CTNNAL1: variants seen among roughly 807,000 people sequenced by gnomAD.
The protein encoded by CTNNAL1 is catenin alpha like 1.
CTNNAL1 carries 69 observed loss-of-function variants against 93.6 expected under a neutral mutation model. The ratio of observed to expected loss-of-function variants is 0.74; its 90% CI spans 0.61 to 0.90. The LOEUF (loss-of-function observed/expected upper bound fraction) is 0.90. CTNNAL1 is among the 40% of genes least tolerant of loss of function. The pLI, the probability that CTNNAL1 is intolerant of heterozygous loss-of-function variation, is 0.00. For missense variants in CTNNAL1, 836 were observed against 862.0 expected (o/e 0.97, Z 0.38); for synonymous variants, 286 against 305.4 (o/e 0.94, Z 0.66).
At chr9:108,980,882 T>G (rs1312620467) in intron 6 of CTNNAL1, among the ~76,000 whole-genome samples, 1 of 152,204 alleles carries the variant, frequency 6.6e-6, no homozygotes, top group Admixed American at 6.5e-5. Context: ...TTGTGGGGTT[T>G]TTTTAAAGAG....
chr9:108,978,936 A>C (rs1192486835), intron 7 of CTNNAL1, among the ~76,000 whole-genome samples: 1 of 151,994 alleles, frequency 6.6e-6, no homozygotes, highest in Non-Finnish European at 1.5e-5. Context: ...GAGGGGGTCT[A>C]CTCCTCTGTT....
rs755160373 is a variant in CTNNAL1, at chr9:108,983,279, T to C, written c.766A>G (p.Lys256Glu). 1.5e-5 allele frequency: 24 copies of C among 1,571,150 alleles called. No individual in the cohort carries two copies. The South Asian group carries it at 2.9e-4, about 19-fold the overall frequency. ...LRHPNCESAH[K>E]NKEGVFDRMK... is the part of the protein sequence containing the mutation. Reference sequence around the variant, plus strand: ...CGGTCAAATACTCCTTCTTTGTTTTTATGGGCTGATTCGCAGTTAGGATGC... The same window carrying C: ...CGGTCAAATACTCCTTCTTTGTTTTCATGGGCTGATTCGCAGTTAGGATGC... Residue 256 changes from lysine (K) to glutamate (E), a missense_variant, in exon 6 of 19, where the codon AAA becomes GAA. By Grantham distance (56) the Lys-to-Glu change is moderately conservative. Transcript: ENST00000325551.
At chr9:109,007,270 T>C (rs1221421750) in intron 1 of CTNNAL1, among the ~76,000 whole-genome samples, 1 of 151,958 alleles carries the variant, frequency 6.6e-6, no homozygotes, top group Admixed American at 6.6e-5. Flanking sequence ...CACGCATGTA[T>C]TCACATACAC....
intron 4 of CTNNAL1, among the ~76,000 whole-genome samples, chr9:108,987,086 G>C (rs1341686086): frequency 6.6e-6 from 1 of 152,160 alleles, no homozygotes; most frequent in Non-Finnish European, 1.5e-5. Context: ...TGGTGTTTTA[G>C]ACATGAAGTC....
chr9:108,977,613 G>C (rs948495259), intron 7 of CTNNAL1, among the ~76,000 whole-genome samples: 3 of 152,132 alleles, frequency 2.0e-5, no homozygotes, highest in African/African-American at 4.8e-5. Flanking sequence ...TTTGTTTAAA[G>C]TCTATCTTCC....
chr9:109,005,452 C>A (rs957246277), intron 1 of CTNNAL1, among the ~76,000 whole-genome samples: 1 of 152,068 alleles, frequency 6.6e-6, no homozygotes, highest in Non-Finnish European at 1.5e-5. Flanking sequence ...GGAGGTGGGG[C>A]CTTTGGGAGA....
intron 11 of CTNNAL1, among the ~76,000 whole-genome samples, chr9:108,958,282 C>T (rs527492602): frequency 5.9e-5 from 9 of 152,164 alleles, no homozygotes; most frequent in African/African-American, 7.2e-5. Context: ...CCAACTGTTT[C>T]GGTATCTCTT....
At chr9:108,964,859 T>A (rs1375989143) in intron 11 of CTNNAL1, among the ~76,000 whole-genome samples, 1 of 151,660 alleles carries the variant, frequency 6.6e-6, no homozygotes, top group African/African-American at 2.4e-5. Flanking sequence ...TATTTATTTA[T>A]TTATTTATTT....
chr9:108,972,864 G>GGGCGCCCCCCCCC, intron 8 of CTNNAL1, 31 bp from the exon 9 acceptor site: 4 of 142,546 alleles, frequency 2.8e-5, no homozygotes, highest in Non-Finnish European at 4.0e-5. Context: ...GGGGGGGTGG[G>GGGCGCCCCCCCCC]AGGGTGGAGA....
chr9:108,952,615 T>C (rs993555763), intron 12 of CTNNAL1, 121 bp from the exon 13 acceptor site: 35 of 1,245,686 alleles, frequency 2.8e-5, no homozygotes, highest in Non-Finnish European at 6.6e-6. Context: ...ATTCAGTATG[T>C]AATGACTGAA....
chr9:108,972,087 C>T lies in CTNNAL1; in HGVS notation c.1347+588G>A, dbSNP rs368436534. 2.0e-5 allele frequency among the ~76,000 whole-genome samples: 3 copies of T among 152,214 alleles called. 1 individual carries two copies. Among genetic ancestry groups the T allele is most frequent in the African/African-American group, 7.2e-5 (3 of 41,522 alleles). On this transcript the variant is annotated intron_variant, in intron 9 of 18. Coordinates refer to ENST00000325551, the MANE Select transcript of CTNNAL1 (RefSeq NM_003798.4). ...CTGAGGAGAGAATGGGCCTTGACTC[C>T]CATGCTCCTCCCGGGAGGGTCACCT...
At chr9:108,977,665 C>A (rs1404261180) in intron 7 of CTNNAL1, among the ~76,000 whole-genome samples, 1 of 152,142 alleles carries the variant, frequency 6.6e-6, no homozygotes, top group Non-Finnish European at 1.5e-5. Context: ...ATTTTGCACA[C>A]CACTAAATCC....
At chr9:109,001,746 C>T (rs1368307815) in intron 1 of CTNNAL1, among the ~76,000 whole-genome samples, 1 of 152,146 alleles carries the variant, frequency 6.6e-6, no homozygotes, top group Non-Finnish European at 1.5e-5. Flanking sequence ...CCAGTCAAGC[C>T]TTTGGATTAC....
chr9:109,000,834 C>T (rs112957440), intron 1 of CTNNAL1, among the ~76,000 whole-genome samples: 11,015 of 151,670 alleles, frequency 0.073, 509 homozygotes, highest in East Asian at 0.15. Context: ...TGGGCAGGGA[C>T]CAGCGTGGAA....
At chr9:108,954,946 A>G (rs1830654565) in intron 12 of CTNNAL1, among the ~76,000 whole-genome samples, 1 of 150,538 alleles carries the variant, frequency 6.6e-6, no homozygotes, top group Non-Finnish European at 1.5e-5. Context: ...CACTGTTACT[A>G]TTGATAATCA....
At chr9:108,971,368 T>C (rs1281169796) in intron 9 of CTNNAL1, among the ~76,000 whole-genome samples, 1 of 152,238 alleles carries the variant, frequency 6.6e-6, no homozygotes, top group African/African-American at 2.4e-5. Context: ...ACATACAAGC[T>C]ATACATGGGT....
At chr9:108,993,065 A>C (rs1831874328) in intron 2 of CTNNAL1, among the ~76,000 whole-genome samples, 1 of 152,216 alleles carries the variant, frequency 6.6e-6, no homozygotes, top group Non-Finnish European at 1.5e-5. Context: ...AAAACATCAT[A>C]ATTTTTGTTT....
At chr9:108,983,771 G>A (rs1173037260) in intron 5 of CTNNAL1, among the ~76,000 whole-genome samples, 3 of 152,154 alleles carry the variant, frequency 2.0e-5, no homozygotes, top group Non-Finnish European at 2.9e-5. Flanking sequence ...TGTTTTTGTG[G>A]CTTCACTGAT....
At position 108,943,041 on chromosome 9, in the gene CTNNAL1, C is replaced by CA; in HGVS notation, c.2058dup (p.Asp687Ter). The CA allele has an allele frequency of 6.2e-7, 1 of 1,607,324 alleles. No homozygotes were observed. Among genetic ancestry groups the CA allele is most frequent in the Non-Finnish European group, 8.5e-7 (1 of 1,178,162 alleles). On this transcript the variant is annotated frameshift_variant, in exon 18 of 19. Transcript: ENST00000325551. LOFTEE classifies it high-confidence loss of function. Reference sequence around the variant, plus strand: ...GATCTTGTCTTCGTAATACACTTGTCAACCTACAATGACAAAAAGCATGCA... The same window carrying CA: ...GATCTTGTCTTCGTAATACACTTGTCAAACCTACAATGACAAAAAGCATGCA...
Sources: gnomAD v4.1 joint callset for allele counts (sites outside exome capture counted in the v4.1 genomes callset) on GRCh38, gnomAD v4.1.1 for gene constraint, MANE v1.5 for transcripts, NCBI Gene and HGNC (gene_info 2026-07-23, HGNC 2026-07-21) for gene names.